MOB3B: variants seen among roughly 807,000 people sequenced by gnomAD.
MOB3B encodes the protein MOB kinase activator-like 2B.
Under a neutral mutation model 18.7 loss-of-function variants are expected in MOB3B, and 7 were observed. That is an observed-to-expected ratio of 0.37 (90% CI 0.21 to 0.70). The LOEUF is 0.70. Among genes scored for constraint, MOB3B ranks in the 30% least tolerant of loss-of-function variants. The probability of loss-of-function intolerance (pLI) is 0.52; values close to 1 mark genes in which losing one functional copy is unlikely to be tolerated. For synonymous variants in MOB3B, 111 were observed against 99.9 expected, an observed-to-expected ratio of 1.11 and a Z score of -0.66; for missense variants, 253 against 281.3, an observed-to-expected ratio of 0.90 and a Z score of 0.72.
chr9:27,415,632 G>A (rs188029066), intron 2 of MOB3B, among the ~76,000 whole-genome samples: 73 of 152,222 alleles, frequency 4.8e-4, no homozygotes, highest in African/African-American at 1.5e-3. Flanking sequence ...TAAATTTTGC[G>A]TTAATTGTCT....
At chr9:27,445,595 T>G (rs1220202315) in intron 2 of MOB3B, among the ~76,000 whole-genome samples, 1 of 152,204 alleles carries the variant, frequency 6.6e-6, no homozygotes, top group Non-Finnish European at 1.5e-5. Context: ...CACTTTGAGA[T>G]GCCAAATATG....
intron 2 of MOB3B, among the ~76,000 whole-genome samples, chr9:27,431,666 T>A (rs141686414): frequency 1.2e-3 from 176 of 152,366 alleles, no homozygotes; most frequent in African/African-American, 4.0e-3. Flanking sequence ...CCTTCCAGTC[T>A]GCTTTTAAAG....
intron 1 of MOB3B, among the ~76,000 whole-genome samples, chr9:27,459,933 GTAAAT>G (rs1315009425): frequency 6.9e-6 from 1 of 145,338 alleles, no homozygotes. Flanking sequence ...GAAATGGAAA[GTAAAT>G]TCTATGTCAT....
intron 2 of MOB3B, among the ~76,000 whole-genome samples, chr9:27,440,369 A>G (rs1822574239): frequency 6.6e-6 from 1 of 150,704 alleles, no homozygotes; most frequent in Non-Finnish European, 1.5e-5. Context: ...TACTTTCTAA[A>G]TGATTCCTTC....
chr9:27,367,941 C>T (rs1821362093), intron 2 of MOB3B, among the ~76,000 whole-genome samples: 1 of 152,154 alleles, frequency 6.6e-6, no homozygotes, highest in Non-Finnish European at 1.5e-5. Flanking sequence ...CATGTTTCTC[C>T]TTGAAACTGT....
intron 1 of MOB3B, among the ~76,000 whole-genome samples, chr9:27,527,630 T>G (rs950128205): frequency 3.9e-5 from 6 of 152,092 alleles, no homozygotes; most frequent in African/African-American, 7.2e-5. Flanking sequence ...TTCCCCTGGG[T>G]TGAGGAGGAA....
chr9:27,456,933 G>T (rs1313861720), intron 1 of MOB3B, among the ~76,000 whole-genome samples: 1 of 152,176 alleles, frequency 6.6e-6, no homozygotes. Flanking sequence ...AGTCTTCGAT[G>T]CCCTCTTCTC....
chr9:27,350,763 T>C (rs1821092177), intron 3 of MOB3B, among the ~76,000 whole-genome samples: 2 of 152,194 alleles, frequency 1.3e-5, no homozygotes, highest in Non-Finnish European at 2.9e-5. Flanking sequence ...TGCATTATCC[T>C]GAACAACCAC....
intron 3 of MOB3B, among the ~76,000 whole-genome samples, chr9:27,357,888 C>A (rs1361258864): frequency 9.8e-4 from 57 of 57,948 alleles, no homozygotes; most frequent in Admixed American, 1.4e-3. Context: ...CCCATCGCTA[C>A]AAAAAAAAAA....
At chr9:27,490,092 A>G (rs1396410733) in intron 1 of MOB3B, among the ~76,000 whole-genome samples, 1 of 152,300 alleles carries the variant, frequency 6.6e-6, no homozygotes, top group East Asian at 1.9e-4. Flanking sequence ...CACACAAAGC[A>G]TCACCTGGCT....
At chr9:27,455,043 G>A (rs565440484) in intron 2 of MOB3B, 90 bp downstream of exon 2, 2 of 1,332,254 alleles carry the variant, frequency 1.5e-6, no homozygotes, top group East Asian at 2.3e-5. Flanking sequence ...TAATGCATGG[G>A]TGCTACCTAG....
chr9:27,475,746 C>A (rs534624654), intron 1 of MOB3B, among the ~76,000 whole-genome samples: 3 of 152,328 alleles, frequency 2.0e-5, no homozygotes, highest in Admixed American at 6.5e-5. Flanking sequence ...AGTCTAGTTG[C>A]TCTGTCTAAT....
chr9:27,454,611 G>C (rs1392069468), intron 2 of MOB3B, among the ~76,000 whole-genome samples: 1 of 152,202 alleles, frequency 6.6e-6, no homozygotes, highest in Admixed American at 6.5e-5. Flanking sequence ...AAGGGTTAAA[G>C]TAAACAGCAC....
chr9:27,415,748 T>A (rs1822136177), intron 2 of MOB3B, among the ~76,000 whole-genome samples: 1 of 152,180 alleles, frequency 6.6e-6, no homozygotes, highest in South Asian at 2.1e-4. Flanking sequence ...TGGCTTTAGA[T>A]CTAAAAACAA....
intron 2 of MOB3B, among the ~76,000 whole-genome samples, chr9:27,380,145 C>T (rs907386534): frequency 6.6e-6 from 1 of 152,154 alleles, no homozygotes; most frequent in African/African-American, 2.4e-5. Flanking sequence ...GTCTATGGGC[C>T]CCCACTAGCA....
At chr9:27,465,754 C>T (rs981180761) in intron 1 of MOB3B, among the ~76,000 whole-genome samples, 1 of 152,228 alleles carries the variant, frequency 6.6e-6, no homozygotes, top group African/African-American at 2.4e-5. Flanking sequence ...AGGCTCAACA[C>T]CACGTGGAAA....
At chr9:27,498,597 C>T (rs1170574954) in intron 1 of MOB3B, among the ~76,000 whole-genome samples, 1 of 152,168 alleles carries the variant, frequency 6.6e-6, no homozygotes, top group Non-Finnish European at 1.5e-5. Flanking sequence ...AATTCAAATA[C>T]CACTTAATAA....
chr9:27,441,053 C>T (rs752417261), intron 2 of MOB3B, among the ~76,000 whole-genome samples: 4 of 152,114 alleles, frequency 2.6e-5, no homozygotes, highest in Non-Finnish European at 5.9e-5. Context: ...CCATGAGAAT[C>T]TAACACCGCC....
At chr9:27,332,289 C>A (rs1189693840) in intron 3 of MOB3B, among the ~76,000 whole-genome samples, 2 of 152,158 alleles carry the variant, frequency 1.3e-5, no homozygotes, top group Non-Finnish European at 2.9e-5. Context: ...CTGCACCCAG[C>A]TTTTGGCTTA....
Sources: allele counts gnomAD v4.1 joint callset (sites outside exome capture counted in the v4.1 genomes callset), GRCh38; gene constraint gnomAD v4.1.1; transcripts MANE v1.5; gene names NCBI Gene and HGNC (gene_info 2026-07-23, HGNC 2026-07-21).